The following SIPA1L3 variants were observed in gnomAD, a reference collection of about 807,000 sequenced individuals.
The protein encoded by SIPA1L3 is signal-induced proliferation-associated 1-like protein 3.
Under a neutral mutation model 150.1 loss-of-function variants are expected in SIPA1L3, and 59 were observed. That is an observed-to-expected ratio of 0.39 (90% CI 0.32 to 0.49). The LOEUF (loss-of-function observed/expected upper bound fraction) is 0.49. Ranked by LOEUF, SIPA1L3 falls within the 20% of genes least tolerant of loss-of-function variation. SIPA1L3 has a pLI of 0.86. For missense variants in SIPA1L3, 2,211 were observed against 2,489.5 expected (o/e 0.89, Z 2.38); for synonymous variants, 1,070 against 1,077.6 (o/e 0.99, Z 0.14).
At chr19:38,151,353 G>C (rs12980318) in intron 12 of SIPA1L3, among the ~76,000 whole-genome samples, 1 of 152,232 alleles carries the variant, frequency 6.6e-6, no homozygotes, top group African/African-American at 2.4e-5. Context: ...TCAGGACCCA[G>C]GCTACCCAGG....
chr19:38,001,412 C>T (rs75311051), intron 1 of SIPA1L3, among the ~76,000 whole-genome samples: 3,011 of 152,214 alleles, frequency 0.02, 89 homozygotes, highest in African/African-American at 0.068. Context: ...TGCAAAAGAA[C>T]CACATTTTTT....
chr19:38,157,714 T>C (rs1434275132), intron 13 of SIPA1L3, among the ~76,000 whole-genome samples: 1 of 152,178 alleles, frequency 6.6e-6, no homozygotes, highest in African/African-American at 2.4e-5. Flanking sequence ...GATCAGGGCC[T>C]GCTGAGGGCA....
chr19:37,969,853 T>G (rs73034946), intron 1 of SIPA1L3, among the ~76,000 whole-genome samples: 2 of 152,110 alleles, frequency 1.3e-5, no homozygotes, highest in Admixed American at 1.3e-4. Context: ...CTAGGCCGCT[T>G]GTTATTCCTG....
intron 10 of SIPA1L3, among the ~76,000 whole-genome samples, chr19:38,140,421 C>A (rs1238358821): frequency 6.6e-6 from 1 of 151,458 alleles, no homozygotes; most frequent in Non-Finnish European, 1.5e-5. Context: ...TTTAACCACC[C>A]CACAAAGTAG....
At chr19:37,999,700 C>T (rs1208385919) in intron 1 of SIPA1L3, among the ~76,000 whole-genome samples, 1 of 152,204 alleles carries the variant, frequency 6.6e-6, no homozygotes, top group East Asian at 1.9e-4. Flanking sequence ...CCCACGTGTG[C>T]GTGTGGTCAG....
At chr19:37,984,111 C>T (rs545577940) in intron 1 of SIPA1L3, among the ~76,000 whole-genome samples, 124 of 152,216 alleles carry the variant, frequency 8.1e-4, no homozygotes, top group African/African-American at 2.7e-3. Flanking sequence ...TTTGCAGATG[C>T]GCTGTCCTTC....
intron 1 of SIPA1L3, among the ~76,000 whole-genome samples, chr19:37,916,292 G>A (rs1300518688): frequency 6.6e-6 from 1 of 151,894 alleles, no homozygotes; most frequent in Non-Finnish European, 1.5e-5. Flanking sequence ...CTCCCAAAGT[G>A]CTGGGATTAC....
rs546666567 is a variant in SIPA1L3, at chr19:37,980,610, G to C, written c.-378-48479G>C. ...GCAGGGGGAAGGCCTGGGAGGCTGA[G>C]GCCAGGGAGGAGGGGGCCCGTCGAG... is the stretch of plus-strand genomic sequence containing the variant. On this transcript the variant is annotated intron_variant, in intron 1 of 21. Transcript: ENST00000222345. 2.6e-5 allele frequency among the ~76,000 whole-genome samples: 4 copies of C among 152,314 alleles called. No homozygotes were observed. The South Asian group carries it at 8.3e-4, about 32-fold the overall frequency.
chr19:38,184,596 G>A (rs1363232316), intron 16 of SIPA1L3: 2 of 152,256 alleles, frequency 1.3e-5, no homozygotes, highest in African/African-American at 2.4e-5. Flanking sequence ...TCTTGAGTGA[G>A]GGGCTCTGCC....
chr19:37,909,909 C>T (rs937701730), intron 1 of SIPA1L3, among the ~76,000 whole-genome samples: 20 of 151,236 alleles, frequency 1.3e-4, no homozygotes, highest in Admixed American at 9.2e-4. Context: ...GCCTCAATCA[C>T]ATTTGTGATG....
intron 8 of SIPA1L3, among the ~76,000 whole-genome samples, chr19:38,115,635 G>C (rs1413649179): frequency 6.6e-6 from 1 of 152,054 alleles, no homozygotes; most frequent in East Asian, 1.9e-4. Flanking sequence ...TCCCTAGTCG[G>C]CTGCTACCTG....
At chr19:38,070,222 A>ATCTATCTATCTATCTC in intron 2 of SIPA1L3, among the ~76,000 whole-genome samples, 1 of 139,098 alleles carries the variant, frequency 7.2e-6, no homozygotes. Flanking sequence ...CTATCTATCT[A>ATCTATCTATCTATCTC]TTTTTGAGAC....
intron 12 of SIPA1L3, among the ~76,000 whole-genome samples, chr19:38,144,699 T>C (rs1031313154): frequency 6.6e-6 from 1 of 152,210 alleles, no homozygotes; most frequent in African/African-American, 2.4e-5. Flanking sequence ...CTTTCTGGCG[T>C]GCCAGGAGGA....
rs59246699 is a variant in SIPA1L3, at chr19:37,927,727, GGT to G, written c.-379+20388_-379+20389del. 2.5e-3 allele frequency among the ~76,000 whole-genome samples: 353 copies of G among 138,896 alleles called. 2 individuals are homozygous for G. In the East Asian group the frequency reaches 0.04, roughly 16 times the overall value. The allele number at this position is 138,896 out of a possible 152,430, so 91.1% of individuals were successfully genotyped here. On this transcript the variant is annotated intron_variant, in intron 1 of 21. Transcript: ENST00000222345. ...TTAGCTCTCACTTGTAAGAACATGG[GGT>G]GTGTGTGTGTGTGTGTGTACGTGTA...
intron 1 of SIPA1L3, among the ~76,000 whole-genome samples, chr19:37,936,716 G>A (rs954934956): frequency 6.6e-6 from 1 of 152,212 alleles, no homozygotes; most frequent in African/African-American, 2.4e-5. Flanking sequence ...AGGGCATGGT[G>A]GAGTTGAGAT....
At chr19:38,162,534 T>C (rs951581312) in intron 14 of SIPA1L3, among the ~76,000 whole-genome samples, 163 bp downstream of exon 14, 1 of 152,202 alleles carries the variant, frequency 6.6e-6, no homozygotes, top group African/African-American at 2.4e-5. Context: ...ACATTCTGGC[T>C]CCAGCCCTCA....
intron 2 of SIPA1L3, among the ~76,000 whole-genome samples, chr19:38,071,328 C>T (rs887393972): frequency 1.3e-5 from 2 of 152,008 alleles, no homozygotes; most frequent in Non-Finnish European, 2.9e-5. Context: ...ACTTTATTGC[C>T]CAGGCGGGAG....
chr19:37,915,784 C>CCTGCTCCG (rs1281107649), intron 1 of SIPA1L3, among the ~76,000 whole-genome samples: 1 of 152,176 alleles, frequency 6.6e-6, no homozygotes, highest in African/African-American at 2.4e-5. Context: ...GCCCCAGGTC[C>CCTGCTCCG]CTGCTCCGGC....
At chr19:37,980,766 G>A (rs1452388460) in intron 1 of SIPA1L3, among the ~76,000 whole-genome samples, 3 of 152,210 alleles carry the variant, frequency 2.0e-5, no homozygotes, top group East Asian at 3.8e-4. Flanking sequence ...ACACTTGGCC[G>A]TCATTCCATA....
Sources: allele counts gnomAD v4.1 joint callset (sites outside exome capture counted in the v4.1 genomes callset), GRCh38; gene constraint gnomAD v4.1.1; transcripts MANE v1.5; gene names NCBI Gene and HGNC (gene_info 2026-07-23, HGNC 2026-07-21).